MAGT1: variants seen among roughly 807,000 people sequenced by gnomAD.
The protein encoded by MAGT1 is dolichyl-diphosphooligosaccharide--protein glycosyltransferase subunit MAGT1.
In MAGT1, 4 loss-of-function variants were observed where a neutral mutation model predicts 28.4. That is an observed-to-expected ratio of 0.14 (90% CI 0.07 to 0.32). The LOEUF is 0.32. Ranked by LOEUF, MAGT1 falls within the 10% of genes least tolerant of loss-of-function variation. MAGT1 has a pLI of 1.00. For synonymous variants in MAGT1, 89 were observed against 89.7 expected (o/e 0.99, Z 0.04); for missense variants, 193 against 264.5 (o/e 0.73, Z 1.88).
intron 3 of MAGT1, 59 bp downstream of exon 3, chrX:77,870,749 A>C: frequency 2.5e-6 from 2 of 794,340 alleles, no homozygotes; most frequent in Non-Finnish European, 3.9e-6. Context: ...AAAAAAATAT[A>C]TTCCACTTTC....
At chrX:77,864,143 C>T (rs782641699) in intron 3 of MAGT1, among the ~76,000 whole-genome samples, 3 of 110,015 alleles carry the variant, frequency 2.7e-5, no homozygotes, top group Non-Finnish European at 3.8e-5. Flanking sequence ...AAGCCAGGCA[C>T]AGAAAGACAA....
chrX:77,881,405 T>C (rs1214060613), intron 1 of MAGT1, among the ~76,000 whole-genome samples: 1 of 98,488 alleles, frequency 1.0e-5, no homozygotes, highest in Non-Finnish European at 2.1e-5. Flanking sequence ...CCTAATGCTA[T>C]CCCTCCCCCT....
chrX:77,880,407 T>G (rs2077048380), intron 1 of MAGT1, among the ~76,000 whole-genome samples: 1 of 108,377 alleles, frequency 9.2e-6, no homozygotes, highest in African/African-American at 3.4e-5. Flanking sequence ...CGGGTGCCTG[T>G]AATCCCAGCT....
chrX:77,861,246 AC>A (rs781888827), intron 3 of MAGT1, among the ~76,000 whole-genome samples: 2 of 111,186 alleles, frequency 1.8e-5, no homozygotes, highest in South Asian at 3.7e-4. Context: ...AAGAAGATAT[AC>A]AAATGGCCAA....
chrX:77,881,184 C>T (rs1373554004), intron 1 of MAGT1, among the ~76,000 whole-genome samples: 1 of 110,521 alleles, frequency 9.0e-6, no homozygotes, highest in African/African-American at 3.3e-5. Context: ...TCTCAGAGCA[C>T]AGAAAATATG....
intron 8 of MAGT1, among the ~76,000 whole-genome samples, chrX:77,837,702 CTTTA>C (rs1459141177): frequency 1.1e-4 from 12 of 111,903 alleles, no homozygotes; most frequent in African/African-American, 1.9e-4. Flanking sequence ...AAATATTAGA[CTTTA>C]TTTAGGTAGG....
Position 77,870,887 on chromosome X carries a change from C to T in MAGT1, c.311G>A (p.Trp104Ter). 1 of 1,210,121 alleles carries T rather than the reference C, an allele frequency of 8.3e-7. No individual in the cohort carries two copies. ...GTTGGTGAATGCACTGGAGTATCGC[C>T]AGGAGTTTGCCAGGATCTGGAATTC... The part of the protein sequence containing the change: ...DEEFQILANS[W>*]RYSSAFTNRI... The change falls in exon 3 of 10, where the codon TGG (tryptophan) becomes TAG (stop). Residue 104 changes from tryptophan (W) to a stop codon, truncating the protein, a stop_gained. Transcript: ENST00000618282. LOFTEE classifies it high-confidence loss of function.
chrX:77,830,753 A>C, intron 9 of MAGT1, 52 bp downstream of exon 9: 1 of 677,963 alleles, frequency 1.5e-6, no homozygotes, highest in Non-Finnish European at 2.2e-6. Flanking sequence ...TATCAACTCT[A>C]ATCATTCCAG....
rs150459921 is a variant in MAGT1 at position 77,884,086 on chromosome X, A to C, written c.103-8489T>G. On this transcript the variant is annotated intron_variant, in intron 1 of 9. Transcript: ENST00000618282. Reference sequence around the variant, plus strand: ...CACACGCCTGTAGTCCCAGCTACTCAGGAGGCTGAGGCACGAGAATCACTT... The same window carrying C: ...CACACGCCTGTAGTCCCAGCTACTCCGGAGGCTGAGGCACGAGAATCACTT... 2.3e-3 allele frequency among the ~76,000 whole-genome samples: 254 copies of C among 110,946 alleles called. 2 individuals carry two copies. Among genetic ancestry groups the C allele is most frequent in the African/African-American group, 7.8e-3 (238 of 30,608 alleles).
chrX:77,887,588 C>T (rs1342646905), intron 1 of MAGT1, among the ~76,000 whole-genome samples: 2 of 111,665 alleles, frequency 1.8e-5, no homozygotes, highest in African/African-American at 6.5e-5. Context: ...ATTCATTTTC[C>T]AGATTCTTCT....
At chrX:77,848,950 G>A (rs2076959480) in intron 7 of MAGT1, among the ~76,000 whole-genome samples, 1 of 109,807 alleles carries the variant, frequency 9.1e-6, no homozygotes, top group African/African-American at 3.3e-5. Context: ...GGAGGTCGAG[G>A]TTACAGTGAG....
At position 77,826,169 on chromosome X, in the gene MAGT1, A is replaced by C. The variant is rs2076882570; in HGVS notation, c.*3051T>G. On this transcript the variant is annotated 3_prime_UTR_variant, in exon 10 of 10. Coordinates refer to ENST00000618282, the MANE Select transcript of MAGT1 (RefSeq NM_001367916.1). ...TGGGTAACAACATTAAGAATGAGGG[A>C]CCATGTATAGATTCCTAGAATAATA... 8.9e-6 allele frequency among the ~76,000 whole-genome samples: 1 copy of C among 112,380 alleles called. No individual in the cohort carries two copies. The highest frequency in any genetic ancestry group is 3.2e-5 in the African/African-American group (1 of 30,950).
At chrX:77,881,148 C>T (rs1557218394) in intron 1 of MAGT1, among the ~76,000 whole-genome samples, 1 of 110,316 alleles carries the variant, frequency 9.1e-6, no homozygotes, top group Non-Finnish European at 1.9e-5. Context: ...AAATGAATTG[C>T]TATTATTTGA....
intron 6 of MAGT1, among the ~76,000 whole-genome samples, chrX:77,854,758 A>G (rs2076977205): frequency 9.0e-6 from 1 of 110,980 alleles, no homozygotes; most frequent in Non-Finnish European, 1.9e-5. Context: ...GGGACTACAA[A>G]TGCAAAACAC....
chrX:77,837,705 T>C (rs782236029), intron 8 of MAGT1, among the ~76,000 whole-genome samples: 47 of 112,318 alleles, frequency 4.2e-4, no homozygotes, highest in African/African-American at 1.5e-3. Flanking sequence ...TATTAGACTT[T>C]ATTTAGGTAG....
At chrX:77,883,118 A>G (rs868991530) in intron 1 of MAGT1, among the ~76,000 whole-genome samples, 1 of 102,328 alleles carries the variant, frequency 9.8e-6, no homozygotes, top group Non-Finnish European at 1.9e-5. Flanking sequence ...TAATTATATT[A>G]TAATATATAT....
rs1277388886 is a variant in MAGT1, at chrX:77,833,149, T to C, written c.902-2254A>G. Among the ~76,000 whole-genome samples the C allele has an allele frequency of 2.7e-5, 3 of 112,300 alleles. No individual in the cohort carries two copies. The East Asian group carries it at 8.3e-4, about 31-fold the overall frequency. ...ACTAACATCAGAATCGTCTGAATCA[T>C]CACAATAGTCTATTTCAGAAAAATT... is the stretch of plus-strand genomic sequence containing the variant. On this transcript the variant is annotated intron_variant, in intron 8 of 9. Transcript: ENST00000618282.
intron 1 of MAGT1, among the ~76,000 whole-genome samples, chrX:77,878,672 C>G (rs1451504240): frequency 9.5e-6 from 1 of 105,298 alleles, no homozygotes; most frequent in Non-Finnish European, 1.9e-5. Flanking sequence ...GCCTGTAATC[C>G]CAGCTACTCA....
At position 77,841,316 on chromosome X, in the gene MAGT1, A is replaced by G. The variant is rs140857469; in HGVS notation, c.831T>C (p.Gly277=). The G allele has an allele frequency of 3.4e-6, 4 of 1,180,932 alleles. No homozygotes were observed. Among genetic ancestry groups the G allele is most frequent in the Non-Finnish European group, 4.6e-6 (4 of 867,591 alleles). ...AAAGCACCATTCCTAAGGTAACTCC[A>G]CCATCTAAGAAAAATTGTTTAAGGA... The part of the protein sequence containing the change: ...AETHIVLLFN[G]GVTLGMVLLC... Residue 277 remains glycine (G), a synonymous_variant, in exon 8 of 10, where the codon GGT becomes GGC. Transcript: ENST00000618282.
Sources: gnomAD v4.1 joint callset for allele counts (sites outside exome capture counted in the v4.1 genomes callset) on GRCh38, gnomAD v4.1.1 for gene constraint, MANE v1.5 for transcripts, NCBI Gene and HGNC (gene_info 2026-07-23, HGNC 2026-07-21) for gene names.